The following EPHB1 variants were observed in gnomAD, a reference collection of about 807,000 sequenced individuals.
The protein encoded by EPHB1 is ephrin type-B receptor 1.
In EPHB1, 30 loss-of-function variants were observed where a neutral mutation model predicts 94.4. That is an observed-to-expected ratio of 0.32 (90% confidence interval 0.24 to 0.43). The LOEUF (loss-of-function observed/expected upper bound fraction) is 0.43. EPHB1 is among the 20% of genes least tolerant of loss of function. The pLI, the probability that EPHB1 is intolerant of heterozygous loss-of-function variation, is 1.00. For synonymous variants in EPHB1, 522 were observed against 489.1 expected (o/e 1.07, Z -0.89); for missense variants, 1,055 against 1,308.3 (o/e 0.81, Z 2.99).
intron 1 of EPHB1, among the ~76,000 whole-genome samples, chr3:134,884,564 A>G (rs561845350): frequency 1.1e-4 from 16 of 152,334 alleles, no homozygotes; most frequent in African/African-American, 3.8e-4. Flanking sequence ...AGACTTAATG[A>G]GCATCAGACA....
chr3:135,040,668 G>A (rs1353664766), intron 3 of EPHB1, among the ~76,000 whole-genome samples: 1 of 152,208 alleles, frequency 6.6e-6, no homozygotes, highest in Admixed American at 6.5e-5. Flanking sequence ...AATAAACATG[G>A]CTGTGAGGGG....
intron 11 of EPHB1, among the ~76,000 whole-genome samples, chr3:135,198,581 A>C (rs1198605474): frequency 6.6e-6 from 1 of 152,172 alleles, no homozygotes; most frequent in African/African-American, 2.4e-5. Flanking sequence ...CAATGATCCC[A>C]GGATGTTTCA....
chr3:135,033,853 A>T (rs1936563940), intron 3 of EPHB1, among the ~76,000 whole-genome samples: 1 of 152,168 alleles, frequency 6.6e-6, no homozygotes, highest in Non-Finnish European at 1.5e-5. Flanking sequence ...TGGCCTCTGA[A>T]AGCTGAATAA....
At chr3:135,226,629 A>G (rs938182469) in intron 12 of EPHB1, among the ~76,000 whole-genome samples, 2 of 152,072 alleles carry the variant, frequency 1.3e-5, no homozygotes, top group African/African-American at 4.8e-5. Context: ...CCATTCACCT[A>G]CTTTTGGCCT....
intron 4 of EPHB1, among the ~76,000 whole-genome samples, chr3:135,130,248 C>G (rs903052354): frequency 1.3e-5 from 2 of 152,120 alleles, no homozygotes; most frequent in African/African-American, 4.8e-5. Context: ...GGAAGATGGA[C>G]AGATTGTGCT....
Position 135,176,008 on chromosome 3 carries a change from A to G in EPHB1, c.1760-3852A>G, listed in dbSNP as rs543975212. 3.0e-4 allele frequency among the ~76,000 whole-genome samples: 45 copies of G among 152,292 alleles called. No individual in the cohort carries two copies. The Middle Eastern group carries it at 0.017, about 58-fold the overall frequency. Reference sequence around the variant, plus strand: ...ATGCAGAAACACAAAATGAGCCAAAAGACAAATGACCTGTTCTGCCTAGCT... The same window carrying G: ...ATGCAGAAACACAAAATGAGCCAAAGGACAAATGACCTGTTCTGCCTAGCT... On this transcript the variant is annotated intron_variant, in intron 9 of 15. Coordinates refer to ENST00000398015, the MANE Select transcript of EPHB1 (RefSeq NM_004441.5).
At chr3:134,830,826 T>C (rs149488881) in intron 1 of EPHB1, among the ~76,000 whole-genome samples, 87 of 152,266 alleles carry the variant, frequency 5.7e-4, no homozygotes, top group African/African-American at 2.1e-3. Context: ...TGAAATGCCT[T>C]CTGCCCTGGA....
chr3:135,205,797 T>G (rs13434241), intron 12 of EPHB1, among the ~76,000 whole-genome samples: 14,448 of 152,228 alleles, frequency 0.095, 855 homozygotes, highest in East Asian at 0.19. Flanking sequence ...TCCAAGTGAT[T>G]TGCAGACATC....
At chr3:134,975,496 A>C (rs1934151699) in intron 3 of EPHB1, among the ~76,000 whole-genome samples, 2 of 152,032 alleles carry the variant, frequency 1.3e-5, no homozygotes, top group Non-Finnish European at 2.9e-5. Context: ...ACACTCTGCT[A>C]CTCTGGCATC....
intron 12 of EPHB1, among the ~76,000 whole-genome samples, chr3:135,213,697 C>G (rs897318578): frequency 3.3e-5 from 5 of 152,180 alleles, no homozygotes; most frequent in African/African-American, 1.2e-4. Context: ...CAGCTTTATG[C>G]TGGTTAAATC....
At chr3:135,118,339 A>T (rs1168620581) in intron 4 of EPHB1, among the ~76,000 whole-genome samples, 1 of 152,132 alleles carries the variant, frequency 6.6e-6, no homozygotes, top group African/African-American at 2.4e-5. Context: ...AACACTAATA[A>T]CTGGCATTTA....
chr3:135,141,544 A>G (rs1940831235), intron 5 of EPHB1, among the ~76,000 whole-genome samples: 1 of 151,996 alleles, frequency 6.6e-6, no homozygotes, highest in African/African-American at 2.4e-5. Context: ...AGGGGCTTGC[A>G]TGTAGGGAAG....
At position 134,795,542 on chromosome 3, in the gene EPHB1, C is replaced by A. The variant is rs1432755962; in HGVS notation, c.-90C>A. ...GCGCGAAAGGATACCGAGAAGCCAC[C>A]CGCGGAGAGCGCAGCGGCGCCCTGG... On this transcript the variant is annotated 5_prime_UTR_variant, in exon 1 of 16. Transcript: ENST00000398015. 9.3e-6 allele frequency: 12 copies of A among 1,286,264 alleles called. No individual in the cohort carries two copies. Among genetic ancestry groups the A allele is most frequent in the Non-Finnish European group, 1.3e-5 (12 of 923,718 alleles). The allele number at this position is 1,286,264 out of a possible 1,614,324, so 79.7% of individuals were successfully genotyped here. A position where few individuals can be genotyped will look rare whatever the true frequency, so the allele number is the denominator to read the frequency against.
intron 3 of EPHB1, among the ~76,000 whole-genome samples, chr3:135,011,496 C>T (rs550716047): frequency 1.4e-4 from 21 of 152,224 alleles, no homozygotes; most frequent in African/African-American, 4.3e-4. Flanking sequence ...ATGAATGAAG[C>T]GCGTGTCGTG....
chr3:134,957,706 G>C (rs1284274124), intron 3 of EPHB1, among the ~76,000 whole-genome samples: 2 of 152,242 alleles, frequency 1.3e-5, no homozygotes, highest in Admixed American at 1.3e-4. Context: ...GCACCAGCTG[G>C]GTCCCTAGGT....
chr3:135,217,636 C>A (rs984476432), intron 12 of EPHB1, among the ~76,000 whole-genome samples: 49 of 152,106 alleles, frequency 3.2e-4, no homozygotes, highest in African/African-American at 1.1e-3. Flanking sequence ...ACAAACATTC[C>A]GAGTAGGCAC....
chr3:135,179,770 G>A lies in EPHB1; in HGVS notation c.1760-90G>A, dbSNP rs938892293. 2.0e-6 allele frequency: 3 copies of A among 1,515,290 alleles called. No individual in the cohort carries two copies. In the African/African-American group the frequency reaches 4.1e-5, roughly 21 times the overall value. The allele number at this position is 1,515,290 out of a possible 1,614,324, so 93.9% of individuals were successfully genotyped here. On this transcript the variant is annotated intron_variant, in intron 9 of 15. Transcript: ENST00000398015. Reference sequence around the variant, plus strand: ...CTGGTGTGTAGGAGAGCTCCTCCCAGGAATGCCCTTAGTGCTGGGGACATC... The same window carrying A: ...CTGGTGTGTAGGAGAGCTCCTCCCAAGAATGCCCTTAGTGCTGGGGACATC...
chr3:135,177,371 A>G (rs1441116299), intron 9 of EPHB1, among the ~76,000 whole-genome samples: 3 of 152,192 alleles, frequency 2.0e-5, no homozygotes, highest in Non-Finnish European at 4.4e-5. Flanking sequence ...CCAGTCGCAC[A>G]TCAGCTGGCT....
chr3:135,081,879 T>A (rs191217941), intron 3 of EPHB1, among the ~76,000 whole-genome samples: 50 of 152,172 alleles, frequency 3.3e-4, no homozygotes, highest in Admixed American at 1.8e-3. Context: ...ACCAATTTGC[T>A]GTGGGCAGAA....
Sources: allele counts gnomAD v4.1 joint callset (sites outside exome capture counted in the v4.1 genomes callset), GRCh38; gene constraint gnomAD v4.1.1; transcripts MANE v1.5; gene names NCBI Gene and HGNC (gene_info 2026-07-23, HGNC 2026-07-21).